CHST12: variants seen among roughly 807,000 people sequenced by gnomAD.
CHST12 encodes the protein carbohydrate (chondroitin 4) sulfotransferase 12.
A neutral mutation model predicts 27.9 loss-of-function variants in CHST12; 23 were observed. The ratio of observed to expected loss-of-function variants is 0.82; its 90% CI spans 0.59 to 1.17. The LOEUF (loss-of-function observed/expected upper bound fraction) is 1.17. Among genes scored for constraint, CHST12 ranks in the 50% most tolerant of loss-of-function variants. CHST12 has a pLI of 0.00. For missense variants in CHST12, 682 were observed against 603.0 expected (o/e 1.13, Z -1.37); for synonymous variants, 322 against 273.0 (o/e 1.18, Z -1.77).
rs2115442024 is a variant in CHST12, at chr7:2,432,921, G to A, written c.282G>A (p.Pro94=). The A allele has an allele frequency of 1.9e-6, 3 of 1,612,938 alleles. No individual in the cohort carries two copies. Among genetic ancestry groups the A allele is most frequent in the East Asian group, 2.2e-5 (1 of 44,864 alleles). The change falls in exon 2 of 2, where the codon CCG becomes CCA. Residue 94 remains proline, a synonymous_variant. Coordinates refer to ENST00000618655, the MANE Select transcript of CHST12 (RefSeq NM_018641.5). ...AGGAGACGGAGCAGCCGCCTGCGCC[G>A]GGGAGCATGGAGGAGAGCGTGAGAG... The part of the protein sequence containing the change: ...PRKETEQPPA[P]GSMEESVRGY...
In CHST12 at chr7:2,433,560, G is replaced by T. The variant is rs1467812851; in HGVS notation, c.921G>T (p.Leu307=). The change falls in exon 2 of 2, where the codon CTG becomes CTT. Residue 307 remains leucine, a synonymous_variant. Transcript: ENST00000618655. The surrounding 1 kb of genome is among the most constrained non-coding windows in gnomAD (Gnocchi z 6.1). ...CCTTCGCCAACTTCATCCAGTACCT[G>T]CTGGACCCGCACACGGAGAAGCTGG... ...KVSFANFIQY[L]LDPHTEKLAP... 6.2e-6 allele frequency: 10 copies of T among 1,613,434 alleles called. No individual in the cohort carries two copies. Among genetic ancestry groups the T allele is most frequent in the South Asian group, 2.2e-5 (2 of 91,086 alleles).
At chr7:2,428,461 G>A (rs761197380) in intron 1 of CHST12, among the ~76,000 whole-genome samples, 3 of 152,122 alleles carry the variant, frequency 2.0e-5, no homozygotes, top group Non-Finnish European at 4.4e-5. Flanking sequence ...TCAGCAGGTC[G>A]AGAAATAATA....
intron 1 of CHST12, among the ~76,000 whole-genome samples, chr7:2,424,571 C>T (rs1300143805): frequency 6.6e-6 from 1 of 152,196 alleles, no homozygotes; most frequent in African/African-American, 2.4e-5. Context: ...CCCCGGAAGA[C>T]TCCCGGGCAA....
chr7:2,433,744 C>G lies in CHST12; in HGVS notation c.1105C>G (p.Arg369Gly). ...DRQLRFPPSY[R>G]NRTASSWEED... is the part of the protein sequence containing the mutation. Reference sequence around the variant, plus strand: ...GCAGCTCCGCTTCCCCCCGAGCTACCGGAACAGGACCGCCAGCAGCTGGGA... The same window carrying G: ...GCAGCTCCGCTTCCCCCCGAGCTACGGGAACAGGACCGCCAGCAGCTGGGA... The change falls in exon 2 of 2, where the codon CGG (arginine) becomes GGG (glycine). Residue 369 changes from arginine (R) to glycine (G), a missense_variant. Arg to Gly is a moderately radical substitution (Grantham distance 125, BLOSUM62 -2). Transcript: ENST00000618655. This position sits in a 1 kb window ranked among gnomAD's most constrained non-coding sequence, Gnocchi z 6.1. 1 of 1,613,868 alleles carries G rather than the reference C, an allele frequency of 6.2e-7. No homozygotes were observed. The highest frequency in any genetic ancestry group is 1.3e-5 in the African/African-American group (1 of 75,058).
At chr7:2,416,409 G>C (rs528936769) in intron 1 of CHST12, among the ~76,000 whole-genome samples, 1 of 152,152 alleles carries the variant, frequency 6.6e-6, no homozygotes, top group African/African-American at 2.4e-5. Context: ...TGTGAATCCC[G>C]AATGTTCTTA....
At chr7:2,403,552 T>G (rs1158801609), upstream of CHST12, 4 of 150,202 alleles carry the variant, frequency 2.7e-5, no homozygotes, top group East Asian at 7.9e-4. Context: ...AGACGACCGG[T>G]AGGAGGGGCT....
At chr7:2,411,131 G>A (rs1191058981) in intron 1 of CHST12, among the ~76,000 whole-genome samples, 1 of 152,090 alleles carries the variant, frequency 6.6e-6, no homozygotes, top group Admixed American at 6.6e-5. Context: ...CTGGAGGGCT[G>A]GAGTACAGTG....
intron 1 of CHST12, among the ~76,000 whole-genome samples, chr7:2,430,279 A>G (rs1037187039): frequency 2.0e-5 from 3 of 151,934 alleles, no homozygotes; most frequent in African/African-American, 7.2e-5. Flanking sequence ...TCCTTTATAT[A>G]AAATATTTCA....
chr7:2,431,559 A>G (rs1389072498), intron 1 of CHST12, among the ~76,000 whole-genome samples: 1 of 152,178 alleles, frequency 6.6e-6, no homozygotes, highest in Non-Finnish European at 1.5e-5. Flanking sequence ...AGGTGGGGTC[A>G]AGGCTTAGCT....
intron 1 of CHST12, among the ~76,000 whole-genome samples, chr7:2,406,650 A>C (rs1781534655): frequency 6.6e-6 from 1 of 152,102 alleles, no homozygotes; most frequent in Non-Finnish European, 1.5e-5. Context: ...TCTTTGGGGA[A>C]TCTGAGTAGC....
intron 1 of CHST12, among the ~76,000 whole-genome samples, chr7:2,417,387 CTTTTT>C (rs769115925): frequency 7.7e-6 from 1 of 129,680 alleles, no homozygotes; most frequent in Admixed American, 8.1e-5. Context: ...CCATGTCTGA[CTTTTT>C]TTTTTTTTTT....
At chr7:2,403,492 G>T (rs1240836410), upstream of CHST12, 2 of 151,836 alleles carry the variant, frequency 1.3e-5, no homozygotes, top group Non-Finnish European at 3.0e-5. Flanking sequence ...CTGAGGGCGG[G>T]CGCCCCTCGG....
intron 1 of CHST12, among the ~76,000 whole-genome samples, chr7:2,417,165 C>G (rs1014206472): frequency 6.6e-6 from 1 of 151,616 alleles, no homozygotes; most frequent in South Asian, 2.1e-4. Flanking sequence ...AGTCCAAAGA[C>G]GAAGACCAAT....
chr7:2,409,025 A>C (rs1342093444), intron 1 of CHST12, among the ~76,000 whole-genome samples: 1 of 152,224 alleles, frequency 6.6e-6, no homozygotes, highest in Non-Finnish European at 1.5e-5. Context: ...AAACAAAGCA[A>C]ATGAAAACAC....
At position 2,419,497 on chromosome 7, in the gene CHST12, A is replaced by G. The variant is rs576494105; in HGVS notation, c.-77-13066A>G. 4.2e-4 allele frequency among the ~76,000 whole-genome samples: 64 copies of G among 151,916 alleles called. 1 individual carries two copies. In the South Asian group the frequency reaches 0.013, roughly 32 times the overall value. On this transcript the variant is annotated intron_variant, in intron 1 of 1. Transcript: ENST00000618655. Reference sequence around the variant, plus strand: ...CAAGGCAGGTGGATTCCCTGAGGTCAGGAGTCCGAGACCAGCCTGGCCAAC... The same window carrying G: ...CAAGGCAGGTGGATTCCCTGAGGTCGGGAGTCCGAGACCAGCCTGGCCAAC...
rs751342875 is a variant in CHST12, at chr7:2,442,735, C to G, written c.*8851C>G. The G allele has an allele frequency of 6.6e-6, 1 of 152,274 alleles. No individual in the cohort carries two copies. The highest frequency in any genetic ancestry group is 2.4e-5 in the African/African-American group (1 of 41,444). The allele number at this position is 152,274 out of a possible 1,614,324, so 9.4% of individuals were successfully genotyped here. On this transcript the variant is annotated 3_prime_UTR_variant, in exon 2 of 2. Transcript: ENST00000618655. Reference sequence around the variant, plus strand: ...TGATGGACCAATACTGGCCTGCGGCCCCTTAGGAACTGGACTGCACAGCAG... The same window carrying G: ...TGATGGACCAATACTGGCCTGCGGCGCCTTAGGAACTGGACTGCACAGCAG...
chr7:2,442,956 C>G lies in CHST12; in HGVS notation c.*9072C>G, dbSNP rs1003503230. 1 of 152,116 alleles carries G rather than the reference C, an allele frequency of 6.6e-6. No homozygotes were observed. 9.4% of individuals were successfully genotyped at this position (152,116 alleles called of 1,614,324 possible). A position where few individuals can be genotyped will look rare whatever the true frequency, so the allele number is the denominator to read the frequency against. ...TTTTTTTTCCAGACAGAGTCTTGCT[C>G]TTTCGCCTAGGCTGGAGTGCAGTGG... On this transcript the variant is annotated 3_prime_UTR_variant, in exon 2 of 2. Transcript: ENST00000618655.
chr7:2,404,526 C>G (rs914662089), intron 1 of CHST12, among the ~76,000 whole-genome samples: 2 of 152,242 alleles, frequency 1.3e-5, no homozygotes, highest in Admixed American at 1.3e-4. Context: ...TCCAGGACAC[C>G]AGGCCCTACG....
At chr7:2,403,738 TC>T (rs928317444) in intron 1 of CHST12, 65 bp downstream of exon 1, 1 of 150,712 alleles carries the variant, frequency 6.6e-6, no homozygotes, top group Non-Finnish European at 1.5e-5. Context: ...AGTGCTGGGC[TC>T]CCAGGGCCCG....
Sources: gnomAD v4.1 joint callset for allele counts (sites outside exome capture counted in the v4.1 genomes callset) on GRCh38, gnomAD v4.1.1 for gene constraint, Gnocchi (gnomAD v3.1) non-coding constraint, MANE v1.5 for transcripts, NCBI Gene and HGNC (gene_info 2026-07-23, HGNC 2026-07-21) for gene names.